Variants in SUPT20H observed in about 807,000 individuals in gnomAD.
SUPT20H encodes transcription factor SPT20 homolog.
Under a neutral mutation model 122.8 loss-of-function variants are expected in SUPT20H, and 82 were observed. The ratio of observed to expected loss-of-function variants is 0.67; its 90% CI spans 0.56 to 0.80. The LOEUF (loss-of-function observed/expected upper bound fraction) is 0.80, where lower values mean the gene tolerates loss of function less well. Among genes scored for constraint, SUPT20H ranks in the 30% least tolerant of loss-of-function variants. The pLI is 0.00. For missense variants in SUPT20H, 831 were observed against 921.6 expected (o/e 0.90, Z 1.27); for synonymous variants, 291 against 313.0 (o/e 0.93, Z 0.74).
chr13:37,012,198 C>A lies in SUPT20H; in HGVS notation c.2092G>T (p.Ala698Ser), dbSNP rs930544355. ...TGVGSFMQSQ[A>S]AVLSQLGSAE... ...AAGTTATGAAGATACCTACCAGCTG[C>A]CTGTGACTGCATAAAACTTCCTACT... Residue 698 changes from alanine (A) to serine (S), a missense_variant, in exon 24 of 26, where the codon GCA becomes TCA. By Grantham distance (99) the Ala-to-Ser change is moderately conservative. Transcript: ENST00000350612. The A allele has an allele frequency of 6.2e-7, 1 of 1,612,222 alleles. No individual in the cohort carries two copies. The highest frequency in any genetic ancestry group is 8.5e-7 in the Non-Finnish European group (1 of 1,178,536).
intron 7 of SUPT20H, among the ~76,000 whole-genome samples, chr13:37,043,033 T>C (rs1015004861): frequency 3.9e-5 from 6 of 152,224 alleles, no homozygotes; most frequent in Non-Finnish European, 5.9e-5. Flanking sequence ...TTTGGAACAC[T>C]GTGGATTTCA....
chr13:37,058,139 A>G (rs911276024), intron 1 of SUPT20H, among the ~76,000 whole-genome samples: 22 of 152,108 alleles, frequency 1.4e-4, no homozygotes, highest in African/African-American at 5.1e-4. Context: ...GTTGGCACAC[A>G]CCTGTAATCC....
At chr13:37,026,177 C>T in intron 16 of SUPT20H, 27 bp downstream of exon 16, 1 of 1,558,236 alleles carries the variant, frequency 6.4e-7, no homozygotes, top group Non-Finnish European at 8.6e-7. Flanking sequence ...CCATCCTGAC[C>T]AAAATAAGAG....
At chr13:37,040,376 G>T in intron 9 of SUPT20H, 29 bp downstream of exon 9, 1 of 1,539,862 alleles carries the variant, frequency 6.5e-7, no homozygotes, top group East Asian at 2.3e-5. Flanking sequence ...TATTTTGCCT[G>T]TTTGAGATTA....
In SUPT20H at chr13:37,029,825, A is replaced by AT; in HGVS notation, c.932dup (p.Tyr311Ter). The AT allele has an allele frequency of 6.3e-7, 1 of 1,597,360 alleles. No homozygotes were observed. Among genetic ancestry groups the AT allele is most frequent in the Non-Finnish European group, 8.5e-7 (1 of 1,172,904 alleles). ...AIPSEVDVEK[Y>*]AKVEKSIKSD... ...ATTTGATAGACTTTTCCACTTTAGCATATTTCTCCACCTAAACAATCAAAT... is the reference window on the plus strand; with the variant it reads ...ATTTGATAGACTTTTCCACTTTAGCATTATTTCTCCACCTAAACAATCAAAT... Residue 311 changes from tyrosine (Y) to a stop codon, truncating the protein, a stop_gained and frameshift_variant, in exon 13 of 26, where the codon TAT (tyrosine) becomes TAAT (stop). Transcript: ENST00000350612. LOFTEE classifies it high-confidence loss of function.
intron 16 of SUPT20H, 74 bp downstream of exon 16, chr13:37,026,130 T>C: frequency 8.1e-7 from 1 of 1,231,200 alleles, no homozygotes; most frequent in South Asian, 1.3e-5. Flanking sequence ...TAACTCCTAG[T>C]ATTCTCTATC....
At chr13:37,033,239 G>A (rs1716297570) in intron 10 of SUPT20H, among the ~76,000 whole-genome samples, 1 of 151,958 alleles carries the variant, frequency 6.6e-6, no homozygotes, top group Non-Finnish European at 1.5e-5. Context: ...AGTTGGTCAT[G>A]CTTATATTCC....
At chr13:37,051,460 A>C (rs779555226) in intron 2 of SUPT20H, 28 bp downstream of exon 2, 1 of 1,603,320 alleles carries the variant, frequency 6.2e-7, no homozygotes, top group Non-Finnish European at 8.5e-7. Flanking sequence ...CTAAAACACA[A>C]ATTTGAACAT....
At position 37,026,190 on chromosome 13, in the gene SUPT20H, G is replaced by A. The variant is rs1445990095; in HGVS notation, c.1211+14C>T. ...ATCCATCCTGACCAAAATAAGAGATGCAAATATTTTTACCTCTCAGCATCG... is the reference window on the plus strand; with the variant it reads ...ATCCATCCTGACCAAAATAAGAGATACAAATATTTTTACCTCTCAGCATCG... On this transcript the variant is annotated intron_variant, in intron 16 of 25. Coordinates refer to ENST00000350612, the MANE Select transcript of SUPT20H (RefSeq NM_001014286.3). 2.6e-6 allele frequency: 4 copies of A among 1,557,634 alleles called. No homozygotes were observed. The highest frequency in any genetic ancestry group is 3.4e-6 in the Non-Finnish European group (4 of 1,159,566).
chr13:37,025,052 C>G, intron 17 of SUPT20H: 2 of 355,592 alleles, frequency 5.6e-6, no homozygotes, highest in Admixed American at 8.7e-5. Flanking sequence ...AGAGATTCTC[C>G]TGTCTCAGCC....
chr13:37,044,645 C>T (rs2066090402), intron 6 of SUPT20H, among the ~76,000 whole-genome samples: 1 of 152,138 alleles, frequency 6.6e-6, no homozygotes, highest in South Asian at 2.1e-4. Flanking sequence ...TTGTAGAATT[C>T]ACATTATCAT....
intron 9 of SUPT20H, chr13:37,038,779 T>TA (rs1229945830): frequency 2.0e-5 from 3 of 152,222 alleles, no homozygotes; most frequent in Non-Finnish European, 4.4e-5. Flanking sequence ...AAACATGTAC[T>TA]AAGCTGTTAT....
chr13:37,039,562 C>G (rs2065100033), intron 9 of SUPT20H: 2 of 152,130 alleles, frequency 1.3e-5, no homozygotes, highest in South Asian at 4.1e-4. Context: ...CCTGGGAAAG[C>G]TTCACTAGAG....
At position 37,022,102 on chromosome 13, in the gene SUPT20H, T is replaced by C. The variant is rs1392508909; in HGVS notation, c.1592-22A>G. ...GTTCCTGGAGTTATAGATGTTACCA[T>C]GGTGGAAAGAGGAATGGTTGTTACA... On this transcript the variant is annotated intron_variant, in intron 19 of 25. Coordinates refer to ENST00000350612, the MANE Select transcript of SUPT20H (RefSeq NM_001014286.3). This position sits in a 1 kb window ranked among gnomAD's most constrained non-coding sequence, Gnocchi z 4.5. 1.2e-6 allele frequency: 2 copies of C among 1,614,116 alleles called. No homozygotes were observed. The highest frequency in any genetic ancestry group is 1.7e-6 in the Non-Finnish European group (2 of 1,180,000).
In SUPT20H at chr13:37,022,341, T is replaced by C; in HGVS notation, c.1592-261A>G. The C allele has an allele frequency of 7.4e-7, 1 of 1,352,120 alleles. No individual in the cohort carries two copies. The highest frequency in any genetic ancestry group is 9.5e-7 in the Non-Finnish European group (1 of 1,051,918). 83.8% of individuals were successfully genotyped at this position (1,352,120 alleles called of 1,614,324 possible). ...TCCTGCTCATTGAGAAAAATAAAAA[T>C]TGCTAGTTTGTTATAAATGGCCAGT... On this transcript the variant is annotated intron_variant, in intron 19 of 25. Transcript: ENST00000350612. The surrounding 1 kb of genome is among the most constrained non-coding windows in gnomAD (Gnocchi z 4.5).
intron 23 of SUPT20H, chr13:37,012,991 C>T (rs2059856628): frequency 6.6e-6 from 1 of 152,056 alleles, no homozygotes; most frequent in Non-Finnish European, 1.5e-5. Flanking sequence ...AGGACATATA[C>T]TATGTTCATG....
intron 6 of SUPT20H, among the ~76,000 whole-genome samples, chr13:37,044,592 T>A (rs948401427): frequency 1.3e-5 from 2 of 152,194 alleles, no homozygotes; most frequent in Non-Finnish European, 2.9e-5. Context: ...CACTTTACAA[T>A]TAATTACCAA....
At chr13:37,047,812 T>C in intron 4 of SUPT20H, 66 bp downstream of exon 4, 1 of 1,460,692 alleles carries the variant, frequency 6.8e-7, no homozygotes, top group Non-Finnish European at 9.3e-7. Context: ...CTACGAGGAA[T>C]GCAATAAAAG....
At chr13:37,056,575 T>C (rs937448280) in intron 1 of SUPT20H, among the ~76,000 whole-genome samples, 9 of 150,762 alleles carry the variant, frequency 6.0e-5, no homozygotes, top group African/African-American at 2.2e-4. Flanking sequence ...TGAGAACTCA[T>C]GGACACAGGA....
Sources: allele counts gnomAD v4.1 joint callset (sites outside exome capture counted in the v4.1 genomes callset), GRCh38; gene constraint gnomAD v4.1.1; non-coding constraint Gnocchi (gnomAD v3.1); transcripts MANE v1.5; gene names NCBI Gene and HGNC (gene_info 2026-07-23, HGNC 2026-07-21).